The following STOX2 variants were observed in gnomAD, a reference collection of about 807,000 sequenced individuals.
STOX2 encodes storkhead box 2.
STOX2 carries 28 observed loss-of-function variants against 60.9 expected under a neutral mutation model. The ratio of observed to expected loss-of-function variants is 0.46; its 90% CI spans 0.34 to 0.63. The LOEUF (loss-of-function observed/expected upper bound fraction) is 0.63, where lower values mean the gene tolerates loss of function less well. Ranked by LOEUF, STOX2 falls within the 30% of genes least tolerant of loss-of-function variation. The pLI is 0.01. For synonymous variants in STOX2, 472 were observed against 463.9 expected, an observed-to-expected ratio of 1.02 and a Z score of -0.22; for missense variants, 1,024 against 1,187.7, an observed-to-expected ratio of 0.86 and a Z score of 2.03.
intron 1 of STOX2, among the ~76,000 whole-genome samples, chr4:183,899,544 A>T (rs1741419064): frequency 6.6e-6 from 1 of 152,260 alleles, no homozygotes; most frequent in Non-Finnish European, 1.5e-5. Context: ...ACAGAAGACC[A>T]AGCCAGTTAC....
At chr4:183,822,007 G>A (rs1263593036) in intron 1 of STOX2, among the ~76,000 whole-genome samples, 16 of 152,226 alleles carry the variant, frequency 1.1e-4, no homozygotes, top group Admixed American at 1.0e-3. Context: ...AGGCTGGCTG[G>A]GGGTGCCTAG....
chr4:183,827,903 A>G (rs1278095691), intron 1 of STOX2, among the ~76,000 whole-genome samples: 1 of 151,882 alleles, frequency 6.6e-6, no homozygotes, highest in Non-Finnish European at 1.5e-5. Flanking sequence ...AGAAAGAAAA[A>G]AAGACGGCCT....
intron 1 of STOX2, among the ~76,000 whole-genome samples, chr4:183,953,190 T>A (rs55668413): frequency 0.37 from 55,860 of 150,016 alleles, 11,411 homozygotes; most frequent in African/African-American, 0.55. Context: ...AGTATAATTT[T>A]AAAAAAAAAA....
At chr4:183,892,644 T>C (rs1316701481) in intron 1 of STOX2, among the ~76,000 whole-genome samples, 1 of 152,208 alleles carries the variant, frequency 6.6e-6, no homozygotes, top group Non-Finnish European at 1.5e-5. Context: ...GAACTGCGTA[T>C]CGTAGTTGCC....
At chr4:183,949,201 AAG>A (rs902887447) in intron 1 of STOX2, among the ~76,000 whole-genome samples, 7 of 152,066 alleles carry the variant, frequency 4.6e-5, no homozygotes, top group Non-Finnish European at 1.0e-4. Context: ...AAGAAACAAT[AAG>A]AGAGGAGATC....
chr4:183,826,339 C>T (rs575956840), intron 1 of STOX2, among the ~76,000 whole-genome samples: 66 of 152,254 alleles, frequency 4.3e-4, no homozygotes, highest in Non-Finnish European at 4.3e-4. Context: ...TCCTCATCAG[C>T]GAACCTGTTC....
At chr4:183,835,467 A>G (rs967571385) in intron 1 of STOX2, among the ~76,000 whole-genome samples, 1 of 151,970 alleles carries the variant, frequency 6.6e-6, no homozygotes, top group Admixed American at 6.6e-5. Flanking sequence ...CTCGTGATCC[A>G]CCTGCCTCGG....
intron 1 of STOX2, among the ~76,000 whole-genome samples, chr4:183,823,532 A>G (rs1739352669): frequency 6.6e-6 from 1 of 152,206 alleles, no homozygotes; most frequent in South Asian, 2.1e-4. Context: ...AGCCCATCAC[A>G]TTCCTTAGGC....
chr4:183,822,563 A>G (rs1198467131), intron 1 of STOX2, among the ~76,000 whole-genome samples: 1 of 152,188 alleles, frequency 6.6e-6, no homozygotes, highest in Non-Finnish European at 1.5e-5. Context: ...CACACCCCAG[A>G]TCCCTCACAT....
intron 1 of STOX2, among the ~76,000 whole-genome samples, chr4:183,822,834 C>T (rs929073862): frequency 1.3e-5 from 2 of 152,192 alleles, no homozygotes; most frequent in Non-Finnish European, 2.9e-5. Context: ...CAGTGAGGCT[C>T]TTCTTATCTC....
At chr4:183,868,716 A>G (rs780658472) in intron 1 of STOX2, among the ~76,000 whole-genome samples, 30 of 152,356 alleles carry the variant, frequency 2.0e-4, no homozygotes, top group Middle Eastern at 3.4e-3. Flanking sequence ...GTCTTACTCG[A>G]ATTCAAGACT....
intron 2 of STOX2, among the ~76,000 whole-genome samples, chr4:184,003,204 T>C (rs773037183): frequency 1.9e-4 from 29 of 152,334 alleles, no homozygotes; most frequent in Non-Finnish European, 2.5e-4. Flanking sequence ...CCAGCAGCTT[T>C]TTAAATCCTT....
rs561595573 is a variant in STOX2 at position 183,951,080 on chromosome 4, G to A, written c.166+44124G>A. ...AATACAAAAAAATTAGCCGGGCGTG[G>A]TGGCGGGCGCCTGTAGTCCCAGCTA... On this transcript the variant is annotated intron_variant, in intron 1 of 3. Coordinates refer to ENST00000308497, the MANE Select transcript of STOX2 (RefSeq NM_020225.3). Among the ~76,000 whole-genome samples, 23 of 152,000 alleles carry A rather than the reference G, an allele frequency of 1.5e-4. 1 individual carries two copies. In the South Asian group the frequency reaches 3.7e-3, roughly 25 times the overall value.
At chr4:183,932,794 T>A (rs1205677842) in intron 1 of STOX2, among the ~76,000 whole-genome samples, 1 of 152,204 alleles carries the variant, frequency 6.6e-6, no homozygotes, top group Non-Finnish European at 1.5e-5. Flanking sequence ...TACAACAACG[T>A]TGTCTCCCAA....
Position 183,806,925 on chromosome 4 carries a change from A to C in STOX2, c.364+8870A>C, listed in dbSNP as rs918405152. The stretch of plus-strand genomic sequence containing the variant: ...CACGGCCCCACAGCTCGAAGCCCCC[A>C]TGCCTGGAGGGGGCCTTTGTGAGTC... On this transcript the variant is annotated intron_variant, in intron 1 of 2. Transcript: ENST00000513034. This position sits in a 1 kb window ranked among gnomAD's most constrained non-coding sequence, Gnocchi z 4.1. Among the ~76,000 whole-genome samples, 1 of 151,812 alleles carries C rather than the reference A, an allele frequency of 6.6e-6. No individual in the cohort carries two copies. The highest frequency in any genetic ancestry group is 1.5e-5 in the Non-Finnish European group (1 of 67,950).
In STOX2 at chr4:183,905,572, C is replaced by A. The variant is rs1741569582; in HGVS notation, c.-1219C>A. 1 of 152,234 alleles carries A rather than the reference C, an allele frequency of 6.6e-6. No individual in the cohort carries two copies. The highest frequency in any genetic ancestry group is 2.4e-5 in the African/African-American group (1 of 41,454). The allele number at this position is 152,234 out of a possible 1,614,324, so 9.4% of individuals were successfully genotyped here. A position where few individuals can be genotyped will look rare whatever the true frequency, so the allele number is the denominator to read the frequency against. On this transcript the variant is annotated 5_prime_UTR_variant, in exon 1 of 4. Coordinates refer to ENST00000308497, the MANE Select transcript of STOX2 (RefSeq NM_020225.3). ...GCAGCGCACCGCAGATCTCCCCGTT[C>A]CCACGAAGGCTGGCTCGCTGTCTCT...
Position 183,821,726 on chromosome 4 carries a change from G to A in STOX2, c.364+23671G>A, listed in dbSNP as rs1739306694. 1.3e-5 allele frequency among the ~76,000 whole-genome samples: 2 copies of A among 152,202 alleles called. No homozygotes were observed. Among genetic ancestry groups the A allele is most frequent in the Non-Finnish European group, 2.9e-5 (2 of 68,030 alleles). ...ACCTCCCTTTTGAGCCCTGCCTAGAGGGGAGGGGAGGGGTCCCTGCTGCTC... is the reference window on the plus strand; with the variant it reads ...ACCTCCCTTTTGAGCCCTGCCTAGAAGGGAGGGGAGGGGTCCCTGCTGCTC... On this transcript the variant is annotated intron_variant, in intron 1 of 2. Coordinates refer to the STOX2 transcript ENST00000513034. This position sits in a 1 kb window ranked among gnomAD's most constrained non-coding sequence, Gnocchi z 4.2.
chr4:183,806,979 TC>T lies in STOX2; in HGVS notation c.364+8925del, dbSNP rs1209561428. Among the ~76,000 whole-genome samples the T allele has an allele frequency of 7.4e-3, 17 of 2,286 alleles. No individual in the cohort carries two copies. The highest frequency in any genetic ancestry group is 0.021 in the Non-Finnish European group (6 of 286). The allele number at this position is 2,286 out of a possible 152,430, so 1.5% of individuals were successfully genotyped here. A position where few individuals can be genotyped will look rare whatever the true frequency, so the allele number is the denominator to read the frequency against. Reference sequence around the variant, plus strand: ...GATGCTTTCTGACACTTTCTTTTTTTCTTTTTTTTTTGAGACGGAGTCTTGC... The same window carrying T: ...GATGCTTTCTGACACTTTCTTTTTTTTTTTTTTTTTGAGACGGAGTCTTGC... On this transcript the variant is annotated intron_variant, in intron 1 of 2. Transcript: ENST00000513034. This position sits in a 1 kb window ranked among gnomAD's most constrained non-coding sequence, Gnocchi z 4.1.
chr4:183,885,843 T>C (rs1057041798), intron 1 of STOX2, among the ~76,000 whole-genome samples: 3 of 152,206 alleles, frequency 2.0e-5, no homozygotes, highest in Non-Finnish European at 4.4e-5. Context: ...TTTATAACAA[T>C]GTTTGCGTGG....
Sources: allele counts gnomAD v4.1 joint callset (sites outside exome capture counted in the v4.1 genomes callset), GRCh38; gene constraint gnomAD v4.1.1; non-coding constraint Gnocchi (gnomAD v3.1); transcripts MANE v1.5; gene names NCBI Gene and HGNC (gene_info 2026-07-23, HGNC 2026-07-21).